RAI1: variants seen among roughly 807,000 people sequenced by gnomAD.
RAI1 encodes retinoic acid-induced protein 1.
A neutral mutation model predicts 123.8 loss-of-function variants in RAI1; 9 were observed. The ratio of observed to expected loss-of-function variants is 0.07; its 90% CI spans 0.04 to 0.13. The LOEUF (loss-of-function observed/expected upper bound fraction) is 0.13. RAI1 is among the 10% of genes least tolerant of loss of function. The pLI, the probability that RAI1 is intolerant of heterozygous loss-of-function variation, is 1.00. For missense variants in RAI1, 2,256 were observed against 2,545.8 expected (o/e 0.89, Z 2.45); for synonymous variants, 1,231 against 1,127.3 (o/e 1.09, Z -1.84).
chr17:17,800,166 T>C lies in RAI1; in HGVS notation c.5565+1653T>C, dbSNP rs1212609180. On this transcript the variant is annotated intron_variant, in intron 3 of 5. Coordinates refer to ENST00000353383, the MANE Select transcript of RAI1 (RefSeq NM_030665.4). This position sits in a 1 kb window ranked among gnomAD's most constrained non-coding sequence, Gnocchi z 4.7. ...AGTGATTTTTTGCCTCTCTCCTGCT[T>C]TCTGTCTCTCTCTGTCTCTCTCTCT... Among the ~76,000 whole-genome samples the C allele has an allele frequency of 3.5e-5, 3 of 86,638 alleles. No individual in the cohort carries two copies. The Admixed American group carries it at 3.8e-4, about 11-fold the overall frequency. The allele number at this position is 86,638 out of a possible 152,430, so 56.8% of individuals were successfully genotyped here.
chr17:17,796,126 C>A lies in RAI1; in HGVS notation c.3178C>A (p.Leu1060Ile). 6.3e-7 allele frequency: 1 copy of A among 1,582,420 alleles called. No homozygotes were observed. The highest frequency in any genetic ancestry group is 2.3e-5 in the East Asian group (1 of 43,472). ...EGLPRMCTRS[L>I]TALSEPRTPG... is the part of the protein sequence containing the mutation. ...GCTCCCCAGGATGTGTACTCGTTCT[C>A]TCACGGCCCTGAGTGAGCCCCGCAC... The change falls in exon 3 of 6, where the codon CTC becomes ATC. Residue 1060 changes from leucine (L) to isoleucine (I), a missense_variant. Coordinates refer to ENST00000353383, the MANE Select transcript of RAI1 (RefSeq NM_030665.4). The surrounding 1 kb of genome is among the most constrained non-coding windows in gnomAD (Gnocchi z 5.8).
intron 1 of RAI1, 24 bp downstream of exon 1, chr17:17,681,817 G>GGGGGGCGCA (rs2142844153): frequency 4.8e-6 from 1 of 209,570 alleles, no homozygotes; most frequent in South Asian, 1.7e-4. Context: ...GCCGGGGCGC[G>GGGGGGCGCA]GGGGGCGCAG....
At chr17:17,690,203 T>A (rs1169741145) in intron 1 of RAI1, among the ~76,000 whole-genome samples, 1 of 151,930 alleles carries the variant, frequency 6.6e-6, no homozygotes, top group Non-Finnish European at 1.5e-5. Flanking sequence ...TGGCCAAACA[T>A]GGTGAAACCC....
At chr17:17,788,700 G>C (rs971001850) in intron 2 of RAI1, among the ~76,000 whole-genome samples, 3 of 152,058 alleles carry the variant, frequency 2.0e-5, no homozygotes, top group Non-Finnish European at 2.9e-5. Context: ...GCTGCTGCTG[G>C]GGATCAGGAA....
chr17:17,797,077 G>T lies in RAI1; in HGVS notation c.4129G>T (p.Gly1377Trp). The change falls in exon 3 of 6, where the codon GGG (glycine) becomes TGG (tryptophan). Residue 1377 changes from glycine to tryptophan, a missense_variant. Physicochemically the swap from Gly to Trp is radical, Grantham distance 184 (BLOSUM62 -2). Transcript: ENST00000353383. ...GLKGAGGSPV[G>W]VEEGLVNVGT... is the part of the protein sequence containing the mutation. ...CAAGGGTGCTGGGGGCAGCCCAGTGGGGGTGGAAGAAGGCCTGGTAAATGT... is the reference window on the plus strand; with the variant it reads ...CAAGGGTGCTGGGGGCAGCCCAGTGTGGGTGGAAGAAGGCCTGGTAAATGT... 1 of 1,614,008 alleles carries T rather than the reference G, an allele frequency of 6.2e-7. No individual in the cohort carries two copies. The highest frequency in any genetic ancestry group is 8.5e-7 in the Non-Finnish European group (1 of 1,180,046).
At chr17:17,696,406 C>G (rs1053849926) in intron 1 of RAI1, among the ~76,000 whole-genome samples, 2 of 152,220 alleles carry the variant, frequency 1.3e-5, no homozygotes, top group African/African-American at 4.8e-5. Flanking sequence ...CTCAACCCCC[C>G]CACCACCCGT....
In RAI1 at chr17:17,794,365, C is replaced by T. The variant is rs1283376349; in HGVS notation, c.1417C>T (p.Pro473Ser). 1 of 1,613,120 alleles carries T rather than the reference C, an allele frequency of 6.2e-7. No homozygotes were observed. Among genetic ancestry groups the T allele is most frequent in the Non-Finnish European group, 8.5e-7 (1 of 1,180,048 alleles). The change falls in exon 3 of 6, where the codon CCA becomes TCA. Residue 473 changes from proline to serine, a missense_variant. Around this residue, in one of 7 missense-constraint regions of RAI1, gnomAD observed 357 missense variants for 480.2 expected, o/e 0.74. Coordinates refer to ENST00000353383, the MANE Select transcript of RAI1 (RefSeq NM_030665.4). Reference protein sequence around the residue: ...KGVKNLVSRTPEQHKSQHCSP... With the variant: ...KGVKNLVSRTSEQHKSQHCSP... ...TGTCAAGAACCTCGTGTCCAGGACC[C>T]CAGAGCAGCATAAAAGCCAGCACTG... is the stretch of plus-strand genomic sequence containing the variant.
intron 4 of RAI1, among the ~76,000 whole-genome samples, chr17:17,805,116 T>C (rs889560349): frequency 5.3e-4 from 80 of 152,274 alleles, no homozygotes; most frequent in African/African-American, 1.9e-3. Flanking sequence ...CCGCCTCAGC[T>C]GCCTAAAGTG....
At chr17:17,719,224 A>T (rs1287138228) in intron 1 of RAI1, among the ~76,000 whole-genome samples, 1 of 152,122 alleles carries the variant, frequency 6.6e-6, no homozygotes. Context: ...ACACTGCAGA[A>T]ATGCCTCATC....
At chr17:17,722,478 C>T (rs895431413) in intron 1 of RAI1, among the ~76,000 whole-genome samples, 21 of 152,214 alleles carry the variant, frequency 1.4e-4, no homozygotes, top group African/African-American at 4.3e-4. Context: ...CCCGCGCCAC[C>T]TCCGCCAGGC....
rs552557653 is a variant in RAI1 at position 17,772,039 on chromosome 17, A to G, written c.-16-20894A>G. 2.0e-5 allele frequency among the ~76,000 whole-genome samples: 3 copies of G among 152,312 alleles called. No homozygotes were observed. In the East Asian group the frequency reaches 5.8e-4, roughly 29 times the overall value. ...CCCTTGTCCTCTCTGGGCCTCAGAC[A>G]TGCAATCTGTCACCTAAGGGTATTG... is the stretch of plus-strand genomic sequence containing the variant. On this transcript the variant is annotated intron_variant, in intron 2 of 5. Coordinates refer to ENST00000353383, the MANE Select transcript of RAI1 (RefSeq NM_030665.4).
At chr17:17,690,644 G>T (rs1259527803) in intron 1 of RAI1, among the ~76,000 whole-genome samples, 1 of 152,196 alleles carries the variant, frequency 6.6e-6, no homozygotes, top group Non-Finnish European at 1.5e-5. Context: ...ACAGAATAGT[G>T]TGCTTAGTAA....
chr17:17,753,729 A>C (rs1484823155), intron 2 of RAI1, among the ~76,000 whole-genome samples: 2 of 152,164 alleles, frequency 1.3e-5, no homozygotes, highest in Non-Finnish European at 2.9e-5. Flanking sequence ...TTTGATACTC[A>C]GTCTTAAGTC....
At chr17:17,735,810 C>T (rs1440921799) in intron 2 of RAI1, among the ~76,000 whole-genome samples, 1 of 152,240 alleles carries the variant, frequency 6.6e-6, no homozygotes, top group Non-Finnish European at 1.5e-5. Flanking sequence ...GCGCAAAGTG[C>T]CTAGGGCTGT....
chr17:17,681,537 G>GCCGCCC lies in RAI1; in HGVS notation c.-398_-393dup, dbSNP rs956880550. 2.8e-5 allele frequency: 5 copies of GCCGCCC among 178,734 alleles called. No homozygotes were observed. The highest frequency in any genetic ancestry group is 4.6e-5 in the Non-Finnish European group (4 of 87,036). The allele number at this position is 178,734 out of a possible 1,614,324, so 11.1% of individuals were successfully genotyped here. The stretch of plus-strand genomic sequence containing the variant: ...AGGCCCGCTCCCCGCGTCCCCGGGC[G>GCCGCCC]CCGCCCCCGCCCGCGGCTGGGCTCC... On this transcript the variant is annotated 5_prime_UTR_variant, in exon 1 of 6. Coordinates refer to ENST00000353383, the MANE Select transcript of RAI1 (RefSeq NM_030665.4).
intron 1 of RAI1, among the ~76,000 whole-genome samples, chr17:17,702,648 G>A (rs1333353866): frequency 6.6e-6 from 1 of 152,200 alleles, no homozygotes; most frequent in Non-Finnish European, 1.5e-5. Context: ...GGTCCCTACT[G>A]GCATGCCTCG....
intron 2 of RAI1, among the ~76,000 whole-genome samples, chr17:17,728,728 A>G (rs1446846865): frequency 6.6e-6 from 1 of 152,182 alleles, no homozygotes; most frequent in African/African-American, 2.4e-5. Context: ...GTTTGCACAG[A>G]TCCTGCAAGT....
At chr17:17,707,090 G>T (rs34717629) in intron 1 of RAI1, among the ~76,000 whole-genome samples, 1 of 152,048 alleles carries the variant, frequency 6.6e-6, no homozygotes, top group African/African-American at 2.4e-5. Context: ...CAGGCAGATC[G>T]CTTGAGTTCA....
Position 17,707,176 on chromosome 17 carries a change from G to A in RAI1, c.-148-16852G>A, listed in dbSNP as rs148312833. Among the ~76,000 whole-genome samples the A allele has an allele frequency of 7.2e-3, 1,104 of 152,344 alleles. 9 individuals are homozygous for A. The highest frequency in any genetic ancestry group is 0.012 in the Non-Finnish European group (801 of 68,026). On this transcript the variant is annotated intron_variant, in intron 1 of 5. Coordinates refer to ENST00000353383, the MANE Select transcript of RAI1 (RefSeq NM_030665.4). ...AATACATAAATTAGCTGGGCATGGT[G>A]GTGTGTACCTGTATTCTCAGCTACT...
Sources: gnomAD v4.1 joint callset for allele counts (sites outside exome capture counted in the v4.1 genomes callset) on GRCh38, gnomAD v4.1.1 for gene constraint, gnomAD v4.1.1 regional missense constraint, Gnocchi (gnomAD v3.1) non-coding constraint, MANE v1.5 for transcripts, NCBI Gene and HGNC (gene_info 2026-07-23, HGNC 2026-07-21) for gene names.